The following VPS13C variants were observed in gnomAD, a reference collection of about 807,000 sequenced individuals.
The protein encoded by VPS13C is vacuolar protein sorting 13 homolog C, also known as intermembrane lipid transfer protein VPS13C.
A neutral mutation model predicts 456.8 loss-of-function variants in VPS13C; 358 were observed. The ratio of observed to expected loss-of-function variants is 0.78; its 90% CI spans 0.72 to 0.86. The LOEUF is 0.86. VPS13C is among the 40% of genes least tolerant of loss of function. VPS13C has a pLI of 0.00. For synonymous variants in VPS13C, 1,578 were observed against 1,486.7 expected, an observed-to-expected ratio of 1.06 and a Z score of -1.41; for missense variants, 4,818 against 4,385.4, an observed-to-expected ratio of 1.10 and a Z score of -2.79.
chr15:62,014,404 G>T (rs1454470732), intron 9 of VPS13C, among the ~76,000 whole-genome samples: 1 of 152,102 alleles, frequency 6.6e-6, no homozygotes, highest in Non-Finnish European at 1.5e-5. Context: ...AGGACAGCAT[G>T]TTCAGCAACA....
chr15:61,972,346 G>C (rs577437696), intron 27 of VPS13C, among the ~76,000 whole-genome samples: 13 of 152,288 alleles, frequency 8.5e-5, no homozygotes, highest in South Asian at 4.1e-4. Context: ...CTGCAGAAAA[G>C]TAAGTTCTAA....
chr15:62,042,320 T>A (rs2048269117), intron 2 of VPS13C, among the ~76,000 whole-genome samples: 1 of 152,138 alleles, frequency 6.6e-6, no homozygotes, highest in Non-Finnish European at 1.5e-5. Context: ...TTAGAATTAT[T>A]AAAAATTAAA....
At chr15:61,900,562 G>A (rs2042966353) in intron 66 of VPS13C, among the ~76,000 whole-genome samples, 1 of 151,754 alleles carries the variant, frequency 6.6e-6, no homozygotes, top group East Asian at 1.9e-4. Flanking sequence ...GGGATGTGAA[G>A]GACCTCTTCA....
chr15:62,001,663 T>TCC (rs1201261230), intron 15 of VPS13C, among the ~76,000 whole-genome samples: 1 of 152,092 alleles, frequency 6.6e-6, no homozygotes, highest in African/African-American at 2.4e-5. Context: ...ATGCTATCCC[T>TCC]CCCCCTCCCC....
At chr15:61,991,152 A>G (rs2046212957) in intron 17 of VPS13C, 58 bp from the exon 18 acceptor site, 2 of 1,304,326 alleles carry the variant, frequency 1.5e-6, no homozygotes, top group African/African-American at 3.0e-5. Flanking sequence ...ATATAACTAA[A>G]AAGACTAACC....
chr15:61,972,804 C>G, intron 26 of VPS13C, 40 bp from the exon 27 acceptor site: 1 of 1,545,860 alleles, frequency 6.5e-7, no homozygotes, highest in Non-Finnish European at 8.7e-7. Flanking sequence ...AGACAATGTA[C>G]ATTGAAAACT....
intron 5 of VPS13C, among the ~76,000 whole-genome samples, chr15:62,029,855 C>A (rs1349999644): frequency 6.6e-6 from 1 of 152,062 alleles, no homozygotes; most frequent in Non-Finnish European, 1.5e-5. Flanking sequence ...AACACAAAGA[C>A]ATTCAGCCTT....
intron 78 of VPS13C, 142 bp downstream of exon 78, chr15:61,873,104 G>C (rs764908951): frequency 7.6e-7 from 1 of 1,309,384 alleles, no homozygotes; most frequent in Non-Finnish European, 1.0e-6. Flanking sequence ...GAGCAAAAAG[G>C]AAACTGGGAA....
At chr15:61,882,782 G>A (rs1895964916) in intron 68 of VPS13C, 46 bp from the exon 69 acceptor site, 1 of 1,485,352 alleles carries the variant, frequency 6.7e-7, no homozygotes, top group Non-Finnish European at 8.9e-7. Context: ...TATTAGCACA[G>A]TAGCTATTCC....
chr15:61,907,429 G>C (rs754323554), intron 65 of VPS13C, 39 bp from the exon 66 acceptor site: 3 of 1,603,020 alleles, frequency 1.9e-6, no homozygotes, highest in Non-Finnish European at 8.5e-7. Flanking sequence ...AGAATATCTT[G>C]GAGATAAGAA....
chr15:61,981,347 A>C lies in VPS13C; in HGVS notation c.2161T>G (p.Phe721Val), dbSNP rs1385160213. The C allele has an allele frequency of 1.2e-6, 2 of 1,608,630 alleles. No homozygotes were observed. The highest frequency in any genetic ancestry group is 3.4e-5 in the Admixed American group (2 of 58,768). The change falls in exon 22 of 85, where the codon TTT becomes GTT. Residue 721 changes from phenylalanine to valine, a missense_variant. Transcript: ENST00000644861. ...SDLLILDFGTFQLNSKDQGLQ... is the reference protein window; with the variant it reads ...SDLLILDFGTVQLNSKDQGLQ... ...AAAAACGCATATATACCTACCTGAA[A>C]TGTACCAAAATCTAAAATCAGAAGA...
intron 8 of VPS13C, among the ~76,000 whole-genome samples, chr15:62,022,555 T>C (rs2047501391): frequency 6.6e-6 from 1 of 151,882 alleles, no homozygotes; most frequent in Non-Finnish European, 1.5e-5. Context: ...TTTTAATGAC[T>C]CCATAAATCA....
At chr15:61,969,648 A>T (rs561270224) in intron 27 of VPS13C, among the ~76,000 whole-genome samples, 196 bp from the exon 28 acceptor site, 2 of 152,306 alleles carry the variant, frequency 1.3e-5, no homozygotes, top group South Asian at 2.1e-4. Context: ...ATACATTTAT[A>T]AAAAAATCAT....
In VPS13C at chr15:61,954,561, TG is replaced by T. The variant is rs1453871862; in HGVS notation, c.4166-8del. The stretch of plus-strand genomic sequence containing the variant: ...AGGGGCTCTTTAATTTCACCTGAAA[TG>T]TTTAAAAGAAATTCATTACTTTTAT... On this transcript the variant is annotated splice_region_variant and splice_polypyrimidine_tract_variant and intron_variant, in intron 37 of 84. Coordinates refer to ENST00000644861, the MANE Select transcript of VPS13C (RefSeq NM_020821.3). 1.9e-6 allele frequency: 3 copies of T among 1,568,628 alleles called. No homozygotes were observed. The highest frequency in any genetic ancestry group is 2.6e-6 in the Non-Finnish European group (3 of 1,164,488).
intron 69 of VPS13C, among the ~76,000 whole-genome samples, chr15:61,882,228 G>A (rs1271068473): frequency 1.3e-5 from 2 of 152,062 alleles, no homozygotes; most frequent in Admixed American, 1.3e-4. Context: ...AAGGAAGGGA[G>A]GGATGCTGGG....
intron 66 of VPS13C, among the ~76,000 whole-genome samples, chr15:61,897,905 C>T (rs555541839): frequency 9.2e-5 from 14 of 152,246 alleles, no homozygotes; most frequent in Admixed American, 3.3e-4. Context: ...GCGGATCGCT[C>T]GGCAGAAACC....
Position 61,867,985 on chromosome 15 carries a change from G to C in VPS13C, c.10863+674C>G. The C allele has an allele frequency of 7.3e-7, 1 of 1,371,044 alleles. No homozygotes were observed. The allele number at this position is 1,371,044 out of a possible 1,614,324, so 84.9% of individuals were successfully genotyped here. A position where few individuals can be genotyped will look rare whatever the true frequency, so the allele number is the denominator to read the frequency against. On this transcript the variant is annotated intron_variant, in intron 81 of 84. Transcript: ENST00000644861. This position sits in a 1 kb window ranked among gnomAD's most constrained non-coding sequence, Gnocchi z 5.0. Reference sequence around the variant, plus strand: ...AAAAACAAAGAAAATAAAGTTAGAAGCATGCAGAAAGATAGATAAAACGTA... The same window carrying C: ...AAAAACAAAGAAAATAAAGTTAGAACCATGCAGAAAGATAGATAAAACGTA...
intron 48 of VPS13C, among the ~76,000 whole-genome samples, chr15:61,936,114 C>T (rs969345585): frequency 6.6e-6 from 1 of 152,126 alleles, no homozygotes; most frequent in African/African-American, 2.4e-5. Flanking sequence ...AAAAGGTTCA[C>T]TGCTTTTAAT....
chr15:61,944,649 G>A (rs72749703), intron 45 of VPS13C, among the ~76,000 whole-genome samples: 10,380 of 152,060 alleles, frequency 0.068, 586 homozygotes, highest in East Asian at 0.2. Context: ...AGGGAGGAAA[G>A]GGGGAAAAAG....
Sources: gnomAD v4.1 joint callset for allele counts (sites outside exome capture counted in the v4.1 genomes callset) on GRCh38, gnomAD v4.1.1 for gene constraint, Gnocchi (gnomAD v3.1) non-coding constraint, MANE v1.5 for transcripts, NCBI Gene and HGNC (gene_info 2026-07-23, HGNC 2026-07-21) for gene names.